Variants in MDGA2 observed in about 807,000 individuals in gnomAD.
The protein encoded by MDGA2 is MAM domain containing glycosylphosphatidylinositol anchor 2.
MDGA2 carries 40 observed loss-of-function variants against 117.8 expected under a neutral mutation model. The observed-to-expected ratio is 0.34, with a 90% CI of 0.26 to 0.44. The LOEUF (loss-of-function observed/expected upper bound fraction) is 0.44, where lower values mean the gene tolerates loss of function less well. MDGA2 is among the 20% of genes least tolerant of loss of function. The probability of loss-of-function intolerance (pLI) is 1.00; values close to 1 mark genes in which losing one functional copy is unlikely to be tolerated. For missense variants in MDGA2, 1,123 were observed against 1,250.6 expected (o/e 0.90, Z 1.54); for synonymous variants, 452 against 439.0 (o/e 1.03, Z -0.37).
chr14:47,189,111 C>G (rs1885016853), intron 3 of MDGA2, among the ~76,000 whole-genome samples: 1 of 152,124 alleles, frequency 6.6e-6, no homozygotes, highest in Admixed American at 6.6e-5. Context: ...GAAGAGCCAA[C>G]AGCTCTGGTA....
At chr14:47,334,638 A>G (rs1183467664) in intron 1 of MDGA2, among the ~76,000 whole-genome samples, 8 of 151,990 alleles carry the variant, frequency 5.3e-5, no homozygotes, top group African/African-American at 1.9e-4. Flanking sequence ...TACACAAATG[A>G]AAATTAGATT....
rs531100564 is a variant in MDGA2, at chr14:47,422,674, G to A, written c.281-121124C>T. 1.4e-3 allele frequency among the ~76,000 whole-genome samples: 215 copies of A among 151,650 alleles called. 4 individuals carry two copies. The highest frequency in any genetic ancestry group is 3.4e-3 in the Middle Eastern group (1 of 294). On this transcript the variant is annotated intron_variant, in intron 1 of 16. Coordinates refer to ENST00000399232, the MANE Select transcript of MDGA2 (RefSeq NM_001113498.3). ...TCTTTCTCTAACTCCTTTCCTATTC[G>A]TAGGTATCGACTGAGCTGGTGACAG...
intron 8 of MDGA2, among the ~76,000 whole-genome samples, chr14:47,009,698 A>G (rs17641595): frequency 0.01 from 1,535 of 152,126 alleles, 18 homozygotes; most frequent in Middle Eastern, 0.027. Context: ...AATTTCCTCA[A>G]TTGGACATAC....
At chr14:47,034,870 T>C (rs1052410588) in intron 8 of MDGA2, 141 bp downstream of exon 8, 9 of 754,528 alleles carry the variant, frequency 1.2e-5, no homozygotes, top group African/African-American at 8.9e-5. Flanking sequence ...AATGTAGAAA[T>C]AGTTCATTCA....
intron 6 of MDGA2, among the ~76,000 whole-genome samples, chr14:47,061,933 AAAGT>A (rs1889898516): frequency 6.6e-6 from 1 of 152,028 alleles, no homozygotes. Context: ...ATTAAAATTA[AAAGT>A]AAGAATATGG....
chr14:47,286,828 T>TATAC (rs1555370163), intron 2 of MDGA2, among the ~76,000 whole-genome samples: 4 of 118,018 alleles, frequency 3.4e-5, no homozygotes, highest in East Asian at 2.3e-4. Flanking sequence ...TATATATACA[T>TATAC]ATATATATGT....
intron 5 of MDGA2, among the ~76,000 whole-genome samples, chr14:47,115,901 CT>C (rs1206873188): frequency 6.6e-6 from 1 of 152,020 alleles, no homozygotes; most frequent in African/African-American, 2.4e-5. Context: ...TTCACCACTT[CT>C]TTTCAACACA....
intron 16 of MDGA2, among the ~76,000 whole-genome samples, chr14:46,844,540 T>C (rs1193957838): frequency 6.6e-6 from 1 of 151,764 alleles, no homozygotes; most frequent in Non-Finnish European, 1.5e-5. Flanking sequence ...GAGATTGCAC[T>C]GTTGCACTCC....
rs1470870998 is a variant in MDGA2, at chr14:46,920,097, C to T, written c.2153G>A (p.Arg718His). The change falls in exon 10 of 17, where the codon CGT becomes CAT. Residue 718 changes from arginine to histidine, a missense_variant. Arg to His is a conservative substitution (Grantham distance 29). Around this residue, in one of 2 missense-constraint regions of MDGA2, gnomAD observed 890 missense variants for 1,050.3 expected, o/e 0.85. Transcript: ENST00000399232. The part of the protein sequence containing the change: ...TYNPVWQNRH[R>H]VYSYSLQWTQ... Reference sequence around the variant, plus strand: ...CCACTGTAGACTGTAAGAATAAACACGGTGTCTGTTCTGCCATACTGGATT... The same window carrying T: ...CCACTGTAGACTGTAAGAATAAACATGGTGTCTGTTCTGCCATACTGGATT... 4 of 1,611,676 alleles carry T rather than the reference C, an allele frequency of 2.5e-6. No homozygotes were observed. The highest frequency in any genetic ancestry group is 2.2e-5 in the East Asian group (1 of 44,778).
chr14:47,264,812 G>A (rs1224184629), intron 2 of MDGA2, among the ~76,000 whole-genome samples: 2 of 151,764 alleles, frequency 1.3e-5, no homozygotes, highest in East Asian at 1.9e-4. Context: ...CCATCAACTC[G>A]TCATTTACAT....
intron 1 of MDGA2, among the ~76,000 whole-genome samples, chr14:47,380,941 C>T (rs955104038): frequency 1.3e-5 from 2 of 152,154 alleles, no homozygotes; most frequent in African/African-American, 4.8e-5. Context: ...CCCTGATGAA[C>T]ACCGATGCAA....
In MDGA2 at chr14:47,607,948, C is replaced by T. The variant is rs570211776; in HGVS notation, c.280+66569G>A. ...GGTAATACTTTGAATTGCATCACAG[C>T]CATTTTTTTTTCTGATAAACTTACA... On this transcript the variant is annotated intron_variant, in intron 1 of 16. Coordinates refer to ENST00000399232, the MANE Select transcript of MDGA2 (RefSeq NM_001113498.3). 2.0e-5 allele frequency among the ~76,000 whole-genome samples: 3 copies of T among 150,260 alleles called. No individual in the cohort carries two copies. The South Asian group carries it at 6.3e-4, about 32-fold the overall frequency.
intron 1 of MDGA2, among the ~76,000 whole-genome samples, chr14:47,438,759 G>A (rs1280768825): frequency 1.3e-5 from 2 of 152,060 alleles, no homozygotes; most frequent in Non-Finnish European, 2.9e-5. Flanking sequence ...TTCCAGTGTA[G>A]AAAAAACTGG....
intron 14 of MDGA2, among the ~76,000 whole-genome samples, chr14:46,868,083 T>G (rs1881848522): frequency 6.6e-6 from 1 of 152,028 alleles, no homozygotes; most frequent in Non-Finnish European, 1.5e-5. Context: ...GTGTAAATGT[T>G]GTTTCCGAGA....
chr14:47,634,384 CAAG>C, intron 1 of MDGA2, among the ~76,000 whole-genome samples: 1 of 151,752 alleles, frequency 6.6e-6, no homozygotes, highest in East Asian at 1.9e-4. Flanking sequence ...AAGAAGTAGA[CAAG>C]AAAACAAATA....
chr14:47,280,628 T>C (rs1035754745), intron 2 of MDGA2, among the ~76,000 whole-genome samples: 1 of 152,078 alleles, frequency 6.6e-6, no homozygotes. Flanking sequence ...TATCACCTGT[T>C]CATCTGCATG....
chr14:47,306,949 T>C (rs553243542), intron 1 of MDGA2, among the ~76,000 whole-genome samples: 2 of 152,276 alleles, frequency 1.3e-5, no homozygotes, highest in South Asian at 2.1e-4. Flanking sequence ...GTATTACTTA[T>C]ACCATTCTCT....
At chr14:47,174,727 C>T (rs1204137274) in intron 3 of MDGA2, among the ~76,000 whole-genome samples, 1 of 151,898 alleles carries the variant, frequency 6.6e-6, no homozygotes, top group Admixed American at 6.6e-5. Flanking sequence ...CCTAACATCA[C>T]AATTAAAAGA....
intron 1 of MDGA2, among the ~76,000 whole-genome samples, chr14:47,508,530 G>T (rs1057053135): frequency 6.6e-6 from 1 of 152,142 alleles, no homozygotes; most frequent in Non-Finnish European, 1.5e-5. Flanking sequence ...ATTTGTTGCT[G>T]TTGCATTGAT....
Sources: gnomAD v4.1 joint callset for allele counts (sites outside exome capture counted in the v4.1 genomes callset) on GRCh38, gnomAD v4.1.1 for gene constraint, gnomAD v4.1.1 regional missense constraint, MANE v1.5 for transcripts, NCBI Gene and HGNC (gene_info 2026-07-23, HGNC 2026-07-21) for gene names.